SPIDR: variants seen among roughly 807,000 people sequenced by gnomAD.
The protein encoded by SPIDR is scaffold protein involved in DNA repair.
A neutral mutation model predicts 104.6 loss-of-function variants in SPIDR; 93 were observed. That is an observed-to-expected ratio of 0.89 (90% CI 0.75 to 1.06). SPIDR has a LOEUF of 1.06. Ranked by LOEUF, SPIDR falls within the 50% of genes least tolerant of loss-of-function variation. The probability of loss-of-function intolerance (pLI) is 0.00; values close to 1 mark genes in which losing one functional copy is unlikely to be tolerated. For synonymous variants in SPIDR, 431 were observed against 416.9 expected (o/e 1.03, Z -0.41); for missense variants, 1,154 against 1,111.2 (o/e 1.04, Z -0.55).
chr8:47,318,069 C>T (rs2045763268), intron 5 of SPIDR, among the ~76,000 whole-genome samples: 1 of 152,168 alleles, frequency 6.6e-6, no homozygotes, highest in South Asian at 2.1e-4. Flanking sequence ...AGCTCCTCAC[C>T]AGCAACGGAA....
At chr8:47,373,289 A>G (rs1270803797) in intron 5 of SPIDR, among the ~76,000 whole-genome samples, 3 of 152,220 alleles carry the variant, frequency 2.0e-5, no homozygotes, top group Admixed American at 6.5e-5. Context: ...ATTAGAGACT[A>G]TCATTGTGTC....
chr8:47,293,950 G>T lies in SPIDR; in HGVS notation c.445G>T (p.Ala149Ser). 2 of 1,614,182 alleles carry T rather than the reference G, an allele frequency of 1.2e-6. No individual in the cohort carries two copies. The highest frequency in any genetic ancestry group is 1.1e-5 in the South Asian group (1 of 91,086). ...DCDEFEDDEGAVEISDCASCA... is the reference protein window; with the variant it reads ...DCDEFEDDEGSVEISDCASCA... ...TGATGAATTTGAAGATGACGAGGGT[G>T]CTGTGGAAATCTCAGACTGTGCTTC... is the stretch of plus-strand genomic sequence containing the variant. Residue 149 changes from alanine (A) to serine (S), a missense_variant, in exon 5 of 20, where the codon GCT becomes TCT. By Grantham distance (99) the Ala-to-Ser change is moderately conservative. Transcript: ENST00000297423.
intron 3 of SPIDR, among the ~76,000 whole-genome samples, chr8:47,287,639 C>T (rs1188198208): frequency 6.6e-6 from 1 of 152,114 alleles, no homozygotes; most frequent in East Asian, 1.9e-4. Context: ...CTTGCATGTC[C>T]GTTTATAGGC....
chr8:47,677,551 A>G (rs1033142458), intron 11 of SPIDR, among the ~76,000 whole-genome samples: 5 of 152,234 alleles, frequency 3.3e-5, no homozygotes, highest in African/African-American at 7.2e-5. Flanking sequence ...GCCGTTTTAC[A>G]GTAGTGTACT....
chr8:47,316,955 A>C (rs2045479088), intron 5 of SPIDR, among the ~76,000 whole-genome samples: 1 of 152,128 alleles, frequency 6.6e-6, no homozygotes, highest in African/African-American at 2.4e-5. Flanking sequence ...AATGCATCGA[A>C]AAGTAAGATG....
Position 47,595,858 on chromosome 8 carries a change from C to G in SPIDR, c.1145C>G (p.Thr382Ser), listed in dbSNP as rs997700443. Residue 382 changes from threonine to serine, a missense_variant, in exon 9 of 20, where the codon ACT becomes AGT. Coordinates refer to ENST00000297423, the MANE Select transcript of SPIDR (RefSeq NM_001080394.4). ...GGAAGTTGCCCTGTTATTCTGAATACTTACTTTTGTGAGAAAGTTGTTGCC... is the reference window on the plus strand; with the variant it reads ...GGAAGTTGCCCTGTTATTCTGAATAGTTACTTTTGTGAGAAAGTTGTTGCC... ...PSGSCPVILN[T>S]YFCEKVVAKE... 6.2e-7 allele frequency: 1 copy of G among 1,614,208 alleles called. No homozygotes were observed. Among genetic ancestry groups the G allele is most frequent in the Non-Finnish European group, 8.5e-7 (1 of 1,180,022 alleles).
intron 5 of SPIDR, among the ~76,000 whole-genome samples, chr8:47,386,156 A>G (rs948150480): frequency 6.6e-6 from 1 of 151,932 alleles, no homozygotes; most frequent in Admixed American, 6.6e-5. Flanking sequence ...CTATGTAGGT[A>G]TACTTAAGGA....
chr8:47,422,241 C>T (rs1404681642), intron 7 of SPIDR, among the ~76,000 whole-genome samples: 4 of 152,216 alleles, frequency 2.6e-5, no homozygotes, highest in African/African-American at 9.6e-5. Flanking sequence ...CCTCCTTGAG[C>T]TCCAGTGGGC....
chr8:47,595,837 G>T lies in SPIDR; in HGVS notation c.1124G>T (p.Ser375Ile), dbSNP rs1470395953. The T allele has an allele frequency of 3.7e-6, 6 of 1,613,978 alleles. No homozygotes were observed. The African/African-American group carries it at 8.0e-5, about 22-fold the overall frequency. ...CAAAAACTGATTATTCCAAGTGGAAGTTGCCCTGTTATTCTGAATACTTAC... is the reference window on the plus strand; with the variant it reads ...CAAAAACTGATTATTCCAAGTGGAATTTGCCCTGTTATTCTGAATACTTAC... ...PWQKLIIPSGSCPVILNTYFC... is the reference protein window; with the variant it reads ...PWQKLIIPSGICPVILNTYFC... The change falls in exon 9 of 20, where the codon AGT becomes ATT. Residue 375 changes from serine (S) to isoleucine (I), a missense_variant. Transcript: ENST00000297423.
intron 5 of SPIDR, among the ~76,000 whole-genome samples, chr8:47,355,018 C>A (rs144090263): frequency 6.6e-6 from 1 of 151,862 alleles, no homozygotes; most frequent in Non-Finnish European, 1.5e-5. Flanking sequence ...TGCAGTGAAG[C>A]GATCTCGGCT....
At chr8:47,482,260 G>A (rs1201769964) in intron 8 of SPIDR, among the ~76,000 whole-genome samples, 1 of 151,816 alleles carries the variant, frequency 6.6e-6, no homozygotes, top group Non-Finnish European at 1.5e-5. Context: ...TTCCATTTCT[G>A]ACCTAATCCC....
chr8:47,652,518 G>C (rs2071850413), intron 10 of SPIDR, among the ~76,000 whole-genome samples: 1 of 152,198 alleles, frequency 6.6e-6, no homozygotes, highest in Non-Finnish European at 1.5e-5. Flanking sequence ...CTGAGAAATA[G>C]AGTTGTCTTC....
intron 10 of SPIDR, among the ~76,000 whole-genome samples, chr8:47,610,489 C>T (rs927173338): frequency 6.6e-5 from 10 of 152,222 alleles, no homozygotes; most frequent in Admixed American, 4.6e-4. Context: ...TGAGCCACCG[C>T]ACCTTGCTGC....
intron 8 of SPIDR, among the ~76,000 whole-genome samples, chr8:47,452,463 A>C (rs575161699): frequency 6.6e-6 from 1 of 152,204 alleles, no homozygotes; most frequent in African/African-American, 2.4e-5. Flanking sequence ...GAAATCCTGA[A>C]TCAAATACTG....
chr8:47,655,809 G>C (rs1021897104), intron 10 of SPIDR, among the ~76,000 whole-genome samples: 16 of 152,272 alleles, frequency 1.1e-4, no homozygotes, highest in Middle Eastern at 3.4e-3. Flanking sequence ...CCATGCCTGT[G>C]TCCTGAATGG....
rs562015380 is a variant in SPIDR at position 47,674,475 on chromosome 8, A to T, written c.1685+534A>T. ...GCCTATCTGTGCCTGTTACATCTCC[A>T]GTAATCATTCTAATCTATGAATTAG... On this transcript the variant is annotated intron_variant, in intron 11 of 19. Coordinates refer to ENST00000297423, the MANE Select transcript of SPIDR (RefSeq NM_001080394.4). Among the ~76,000 whole-genome samples, 18 of 152,278 alleles carry T rather than the reference A, an allele frequency of 1.2e-4. No individual in the cohort carries two copies. In the South Asian group the frequency reaches 3.5e-3, roughly 30 times the overall value.
At chr8:47,447,573 G>A (rs2070901076) in intron 8 of SPIDR, among the ~76,000 whole-genome samples, 1 of 152,154 alleles carries the variant, frequency 6.6e-6, no homozygotes, top group Non-Finnish European at 1.5e-5. Context: ...ACATTGTTGA[G>A]AGGACAACAA....
intron 19 of SPIDR, among the ~76,000 whole-genome samples, chr8:47,734,854 C>G (rs2085919310): frequency 1.3e-5 from 2 of 152,180 alleles, no homozygotes. Context: ...CCCAGTATAA[C>G]TCTAGAAGAA....
In SPIDR at chr8:47,291,051, G is replaced by A. The variant is rs1432716438; in HGVS notation, c.275G>A (p.Ser92Asn). 3.1e-6 allele frequency: 5 copies of A among 1,610,732 alleles called. No individual in the cohort carries two copies. In the African/African-American group the frequency reaches 4.0e-5, roughly 13 times the overall value. Residue 92 changes from serine to asparagine, a missense_variant, in exon 4 of 20, where the codon AGC becomes AAC. Ser to Asn is a conservative substitution (Grantham distance 46). Coordinates refer to ENST00000297423, the MANE Select transcript of SPIDR (RefSeq NM_001080394.4). The part of the protein sequence containing the change: ...RPKQETTTSK[S>N]TSGLTDITWS... ...TCAACAGAAACCACCACATCTAAAA[G>A]CACCAGTGGGCTTACAGACATAACA...
Sources: allele counts gnomAD v4.1 joint callset (sites outside exome capture counted in the v4.1 genomes callset), GRCh38; gene constraint gnomAD v4.1.1; transcripts MANE v1.5; gene names NCBI Gene and HGNC (gene_info 2026-07-23, HGNC 2026-07-21).